The following RPS6KA1 variants were observed in gnomAD, a reference collection of about 807,000 sequenced individuals.
RPS6KA1 encodes ribosomal protein S6 kinase A1.
RPS6KA1 carries 48 observed loss-of-function variants against 91.3 expected under a neutral mutation model. The ratio of observed to expected loss-of-function variants is 0.53; its 90% CI spans 0.42 to 0.67. The LOEUF (loss-of-function observed/expected upper bound fraction) is 0.67. Among genes scored for constraint, RPS6KA1 ranks in the 30% least tolerant of loss-of-function variants. The pLI, the probability that RPS6KA1 is intolerant of heterozygous loss-of-function variation, is 0.00. For missense variants in RPS6KA1, 719 were observed against 960.5 expected, an observed-to-expected ratio of 0.75 and a Z score of 3.32; for synonymous variants, 359 against 384.7, an observed-to-expected ratio of 0.93 and a Z score of 0.78.
Position 26,571,385 on chromosome 1 carries a change from C to A in RPS6KA1, c.1591-64C>A. 1.3e-6 allele frequency: 2 copies of A among 1,525,218 alleles called. No homozygotes were observed. Among genetic ancestry groups the A allele is most frequent in the Non-Finnish European group, 9.0e-7 (1 of 1,105,498 alleles). 94.5% of individuals were successfully genotyped at this position (1,525,218 alleles called of 1,614,324 possible). A position where few individuals can be genotyped will look rare whatever the true frequency, so the allele number is the denominator to read the frequency against. ...GTCTGTGTAGCTTTCTAATCTCTGGCCGCTGACCTGGGCCACTAGCCACCT... is the reference window on the plus strand; with the variant it reads ...GTCTGTGTAGCTTTCTAATCTCTGGACGCTGACCTGGGCCACTAGCCACCT... On this transcript the variant is annotated intron_variant, in intron 17 of 21. Coordinates refer to ENST00000374168, the MANE Select transcript of RPS6KA1 (RefSeq NM_002953.4). This position sits in a 1 kb window ranked among gnomAD's most constrained non-coding sequence, Gnocchi z 5.1.
At chr1:26,566,833 G>A (rs1327993574) in intron 17 of RPS6KA1, among the ~76,000 whole-genome samples, 2 of 152,020 alleles carry the variant, frequency 1.3e-5, no homozygotes, top group African/African-American at 2.4e-5. Flanking sequence ...TATAATAGAG[G>A]GCTTCTCCCT....
chr1:26,546,186 G>T lies in RPS6KA1; in HGVS notation c.109-681G>T, dbSNP rs906938124. The T allele has an allele frequency of 2.3e-6, 2 of 872,120 alleles. 1 individual carries two copies. The highest frequency in any genetic ancestry group is 5.8e-4 in the Middle Eastern group (2 of 3,420). 54.0% of individuals were successfully genotyped at this position (872,120 alleles called of 1,614,324 possible). A position where few individuals can be genotyped will look rare whatever the true frequency, so the allele number is the denominator to read the frequency against. ...GACCCTGCCCAGACTTGCTTCCTGG[G>T]GAAGTGAGGAGGCACTTCAGGGCTT... On this transcript the variant is annotated intron_variant, in intron 2 of 21. Transcript: ENST00000374168.
intron 1 of RPS6KA1, among the ~76,000 whole-genome samples, chr1:26,533,688 A>G (rs2075885444): frequency 6.6e-6 from 1 of 152,170 alleles, no homozygotes; most frequent in Non-Finnish European, 1.5e-5. Context: ...CCTGGGCAAA[A>G]GAGTGAAACT....
intron 13 of RPS6KA1, among the ~76,000 whole-genome samples, chr1:26,557,810 T>TCCCCG: frequency 2.6e-5 from 1 of 38,046 alleles, no homozygotes; most frequent in Non-Finnish European, 4.9e-5. Context: ...TCCCCTCCCC[T>TCCCCG]TCCCTCTCCT....
At chr1:26,548,430 C>T (rs1265180869) in intron 4 of RPS6KA1, among the ~76,000 whole-genome samples, 1 of 151,984 alleles carries the variant, frequency 6.6e-6, no homozygotes, top group Non-Finnish European at 1.5e-5. Flanking sequence ...TTTCTCTAGA[C>T]CAAAAATGTT....
At chr1:26,537,037 G>A in intron 2 of RPS6KA1, 68 bp downstream of exon 2, 14 of 1,539,962 alleles carry the variant, frequency 9.1e-6, no homozygotes, top group Non-Finnish European at 1.3e-5. Context: ...CTTTGGAGGA[G>A]GTTGAGGGCT....
At position 26,561,827 on chromosome 1, in the gene RPS6KA1, G is replaced by A. The variant is rs1245803913; in HGVS notation, c.1590+164G>A. 1.3e-5 allele frequency among the ~76,000 whole-genome samples: 2 copies of A among 152,174 alleles called. No homozygotes were observed. Among genetic ancestry groups the A allele is most frequent in the East Asian group, 3.8e-4 (2 of 5,200 alleles). On this transcript the variant is annotated intron_variant, in intron 17 of 21. Transcript: ENST00000374168. This position sits in a 1 kb window ranked among gnomAD's most constrained non-coding sequence, Gnocchi z 5.7. ...GCGTGCAAAGGAAGGAGGGAGAGATGTGGCCAATTGTGAAAGGGAAGGTAT... is the reference window on the plus strand; with the variant it reads ...GCGTGCAAAGGAAGGAGGGAGAGATATGGCCAATTGTGAAAGGGAAGGTAT...
At position 26,551,864 on chromosome 1, in the gene RPS6KA1, A is replaced by G. The variant is rs2076053773; in HGVS notation, c.468+141A>G. The G allele has an allele frequency of 2.8e-6, 2 of 709,174 alleles. No individual in the cohort carries two copies. Among genetic ancestry groups the G allele is most frequent in the South Asian group, 3.2e-5 (2 of 62,266 alleles). The allele number at this position is 709,174 out of a possible 1,614,324, so 43.9% of individuals were successfully genotyped here. On this transcript the variant is annotated intron_variant, in intron 6 of 21. Coordinates refer to ENST00000374168, the MANE Select transcript of RPS6KA1 (RefSeq NM_002953.4). The surrounding 1 kb of genome is among the most constrained non-coding windows in gnomAD (Gnocchi z 4.5). Reference sequence around the variant, plus strand: ...AGGCCTGCCTAGCAGCCCCTGGCCCAGGAAATACCACGCACCCTGGAATGG... The same window carrying G: ...AGGCCTGCCTAGCAGCCCCTGGCCCGGGAAATACCACGCACCCTGGAATGG...
chr1:26,530,851 G>C, intron 1 of RPS6KA1: 3 of 1,286,168 alleles, frequency 2.3e-6, no homozygotes, highest in Non-Finnish European at 3.0e-6. Context: ...TCAAGCCCCT[G>C]AATGAGCTGG....
intron 13 of RPS6KA1, 51 bp downstream of exon 13, chr1:26,557,151 C>T (rs370480855): frequency 2.2e-5 from 32 of 1,472,592 alleles, no homozygotes; most frequent in East Asian, 4.5e-5. Context: ...GGAGGGAAGC[C>T]GGGAGTCGGT....
intron 1 of RPS6KA1, among the ~76,000 whole-genome samples, chr1:26,530,317 A>C (rs2075858942): frequency 6.6e-6 from 1 of 152,136 alleles, no homozygotes; most frequent in South Asian, 2.1e-4. Flanking sequence ...AGACGGGGAG[A>C]TCTTCAGTGC....
Position 26,555,373 on chromosome 1 carries a change from T to C in RPS6KA1, c.827+152T>C, listed in dbSNP as rs1057495371. 2.1e-5 allele frequency: 22 copies of C among 1,028,200 alleles called. No homozygotes were observed. The highest frequency in any genetic ancestry group is 3.0e-5 in the Non-Finnish European group (21 of 691,204). The allele number at this position is 1,028,200 out of a possible 1,614,324, so 63.7% of individuals were successfully genotyped here. A position where few individuals can be genotyped will look rare whatever the true frequency, so the allele number is the denominator to read the frequency against. On this transcript the variant is annotated intron_variant, in intron 10 of 21. Coordinates refer to ENST00000374168, the MANE Select transcript of RPS6KA1 (RefSeq NM_002953.4). The surrounding 1 kb of genome is among the most constrained non-coding windows in gnomAD (Gnocchi z 4.3). ...AACATTATACCTTCCAGAGCCCCTC[T>C]TTCATCCCTGGGGGCCTGTGGGTAG...
chr1:26,553,607 T>G, intron 7 of RPS6KA1, 110 bp downstream of exon 7: 12 of 604,968 alleles, frequency 2.0e-5, no homozygotes, highest in East Asian at 9.0e-5. Flanking sequence ...TCTCCCTCTC[T>G]TGGGCAATCT....
chr1:26,547,441 C>T lies in RPS6KA1; in HGVS notation c.307+171C>T, dbSNP rs1360473334. 4 of 603,248 alleles carry T rather than the reference C, an allele frequency of 6.6e-6. No homozygotes were observed. The highest frequency in any genetic ancestry group is 5.6e-5 in the African/African-American group (3 of 53,912). The allele number at this position is 603,248 out of a possible 1,614,324, so 37.4% of individuals were successfully genotyped here. A position where few individuals can be genotyped will look rare whatever the true frequency, so the allele number is the denominator to read the frequency against. On this transcript the variant is annotated intron_variant, in intron 4 of 21. Transcript: ENST00000374168. This position sits in a 1 kb window ranked among gnomAD's most constrained non-coding sequence, Gnocchi z 4.1. ...CTATCCCTCGCCAGCCAATCCTCCT[C>T]CCCCTAAGCCAAGTGCTAGTGACTG...
chr1:26,569,652 C>T (rs190533104), intron 17 of RPS6KA1, among the ~76,000 whole-genome samples: 1 of 152,216 alleles, frequency 6.6e-6, no homozygotes, highest in Non-Finnish European at 1.5e-5. Context: ...AACCAACTAA[C>T]CTGCAAAACT....
chr1:26,537,362 G>C (rs2075914838), intron 2 of RPS6KA1, among the ~76,000 whole-genome samples: 1 of 152,196 alleles, frequency 6.6e-6, no homozygotes, highest in Non-Finnish European at 1.5e-5. Flanking sequence ...TGAGCATCTG[G>C]GCACGTGAGC....
At chr1:26,567,967 T>C (rs1338190400) in intron 17 of RPS6KA1, among the ~76,000 whole-genome samples, 3 of 152,320 alleles carry the variant, frequency 2.0e-5, no homozygotes, top group Middle Eastern at 3.4e-3. Context: ...GACTCCTTCC[T>C]GTGACTGGAA....
chr1:26,537,115 C>A (rs2075912543), intron 2 of RPS6KA1, 146 bp downstream of exon 2: 1 of 814,908 alleles, frequency 1.2e-6, no homozygotes, highest in Non-Finnish European at 2.0e-6. Flanking sequence ...TGTGGCAACC[C>A]TGGGCATAGA....
rs993347076 is a variant in RPS6KA1, at chr1:26,555,915, A to T, written c.916+290A>T. Among the ~76,000 whole-genome samples, 1 of 152,168 alleles carries T rather than the reference A, an allele frequency of 6.6e-6. No homozygotes were observed. The highest frequency in any genetic ancestry group is 2.4e-5 in the African/African-American group (1 of 41,456). On this transcript the variant is annotated intron_variant, in intron 11 of 21. Transcript: ENST00000374168. The surrounding 1 kb of genome is among the most constrained non-coding windows in gnomAD (Gnocchi z 4.3). ...AGGCTGCTGGCACAAGAGAAATAGC[A>T]TGAGCTCAGGAGTCAGAAGGCATAG...
Sources: gnomAD v4.1 joint callset for allele counts (sites outside exome capture counted in the v4.1 genomes callset) on GRCh38, gnomAD v4.1.1 for gene constraint, Gnocchi (gnomAD v3.1) non-coding constraint, MANE v1.5 for transcripts, NCBI Gene and HGNC (gene_info 2026-07-23, HGNC 2026-07-21) for gene names.